CHRNA7: variants seen among roughly 807,000 people sequenced by gnomAD.
The protein encoded by CHRNA7 is cholinergic receptor nicotinic alpha 7 subunit.
In CHRNA7, 17 loss-of-function variants were observed where a neutral mutation model predicts 48.0. That is an observed-to-expected ratio of 0.35 (90% CI 0.24 to 0.53). The LOEUF (loss-of-function observed/expected upper bound fraction) is 0.53, where lower values mean the gene tolerates loss of function less well. Ranked by LOEUF, CHRNA7 falls within the 20% of genes least tolerant of loss-of-function variation. The pLI is 0.92. For missense variants in CHRNA7, 155 were observed against 577.7 expected (o/e 0.27, Z 7.50); for synonymous variants, 75 against 242.3 (o/e 0.31, Z 6.41).
rs960001027 is a variant in CHRNA7 at position 32,066,438 on chromosome 15, C to T, written c.196-34865C>T. 1.8e-4 allele frequency among the ~76,000 whole-genome samples: 28 copies of T among 152,152 alleles called. No homozygotes were observed. The South Asian group carries it at 4.2e-3, about 23-fold the overall frequency. On this transcript the variant is annotated intron_variant, in intron 2 of 9. Coordinates refer to ENST00000306901, the MANE Select transcript of CHRNA7 (RefSeq NM_000746.6). ...CTGGGATTACAGGCATGTGCCACCA[C>T]GCCCAGCTAATTTTTGTATTTTTAG...
At chr15:32,145,299 A>G (rs1353072849) in intron 4 of CHRNA7, among the ~76,000 whole-genome samples, 2 of 152,172 alleles carry the variant, frequency 1.3e-5, no homozygotes, top group Admixed American at 1.3e-4. Flanking sequence ...GCTTTGTCCC[A>G]GAGGAGCACC....
chr15:32,141,190 A>G (rs927404402), intron 4 of CHRNA7, among the ~76,000 whole-genome samples: 2 of 152,110 alleles, frequency 1.3e-5, no homozygotes, highest in African/African-American at 4.8e-5. Flanking sequence ...TCCTTTCCCC[A>G]TTTCTTGTTT....
chr15:32,112,398 A>G, intron 4 of CHRNA7: 1 of 456,744 alleles, frequency 2.2e-6, no homozygotes, highest in Non-Finnish European at 4.4e-6. Flanking sequence ...AGCTGCATGC[A>G]GAAACTTCCC....
At chr15:32,051,595 C>T (rs992483607) in intron 2 of CHRNA7, among the ~76,000 whole-genome samples, 11 of 152,032 alleles carry the variant, frequency 7.2e-5, no homozygotes, top group South Asian at 2.1e-4. Context: ...TGACCCCTTG[C>T]ACTTCCCGAG....
chr15:32,059,051 T>C (rs2049833889), intron 2 of CHRNA7, among the ~76,000 whole-genome samples: 1 of 152,010 alleles, frequency 6.6e-6, no homozygotes. Context: ...TTGCCCAGGC[T>C]GGAGTGCAGT....
intron 4 of CHRNA7, among the ~76,000 whole-genome samples, chr15:32,134,666 C>T (rs2051216129): frequency 6.6e-6 from 1 of 152,156 alleles, no homozygotes; most frequent in Non-Finnish European, 1.5e-5. Context: ...TAGCAAAAGG[C>T]AGGTTTGGAC....
At chr15:32,122,116 C>T (rs542855597) in intron 4 of CHRNA7, among the ~76,000 whole-genome samples, 2 of 152,302 alleles carry the variant, frequency 1.3e-5, no homozygotes, top group South Asian at 2.1e-4. Context: ...GTTCTATTCA[C>T]ATTTTGTAAT....
chr15:32,127,418 C>T (rs921112155), intron 4 of CHRNA7, among the ~76,000 whole-genome samples: 3 of 152,128 alleles, frequency 2.0e-5, no homozygotes, highest in African/African-American at 7.2e-5. Flanking sequence ...TGGCCGTTCC[C>T]ACCTAAGTGA....
intron 4 of CHRNA7, among the ~76,000 whole-genome samples, chr15:32,130,672 A>T (rs1035180169): frequency 6.6e-6 from 1 of 151,514 alleles, no homozygotes; most frequent in African/African-American, 2.4e-5. Flanking sequence ...CTCTTTGTAC[A>T]CCTATTTCAT....
At chr15:32,108,941 A>G (rs2141274963) in intron 3 of CHRNA7, among the ~76,000 whole-genome samples, 1 of 152,284 alleles carries the variant, frequency 6.6e-6, no homozygotes, top group South Asian at 2.1e-4. Context: ...GTGCAAACCC[A>G]GGTCTGTCTG....
At chr15:32,045,728 T>C (rs188626430) in intron 2 of CHRNA7, among the ~76,000 whole-genome samples, 183 of 151,882 alleles carry the variant, frequency 1.2e-3, no homozygotes, top group Non-Finnish European at 1.9e-3. Context: ...GCAGGTTTGT[T>C]ACATATGTAT....
intron 2 of CHRNA7, among the ~76,000 whole-genome samples, chr15:32,049,404 C>A (rs1305819935): frequency 6.6e-6 from 1 of 152,028 alleles, no homozygotes; most frequent in Non-Finnish European, 1.5e-5. Flanking sequence ...TATGTAATGG[C>A]CTTCTTTGTC....
At chr15:32,151,499 A>G (rs923307272) in intron 4 of CHRNA7, among the ~76,000 whole-genome samples, 12 of 151,874 alleles carry the variant, frequency 7.9e-5, no homozygotes, top group Non-Finnish European at 1.6e-4. Context: ...TGCTGTGAGA[A>G]GTGTCTTCGT....
chr15:32,142,838 T>C (rs1252152909), intron 4 of CHRNA7, among the ~76,000 whole-genome samples: 2 of 152,198 alleles, frequency 1.3e-5, no homozygotes, highest in East Asian at 3.8e-4. Flanking sequence ...GCTAGCGGTC[T>C]GTCTATTTTG....
At chr15:32,104,679 A>G (rs1363934784) in intron 3 of CHRNA7, among the ~76,000 whole-genome samples, 2 of 152,170 alleles carry the variant, frequency 1.3e-5, no homozygotes, top group African/African-American at 4.8e-5. Flanking sequence ...GAATGAGAGA[A>G]TGAAGCAAAA....
At chr15:32,047,552 C>A (rs918628924) in intron 2 of CHRNA7, among the ~76,000 whole-genome samples, 12 of 152,300 alleles carry the variant, frequency 7.9e-5, no homozygotes, top group Middle Eastern at 3.4e-3. Flanking sequence ...AGTTGCTTAT[C>A]AGCTTCAGGA....
intron 4 of CHRNA7, among the ~76,000 whole-genome samples, chr15:32,118,661 A>G (rs1001236773): frequency 1.3e-5 from 2 of 152,276 alleles, no homozygotes; most frequent in South Asian, 2.1e-4. Context: ...CACTCAACCA[A>G]TATTTAGTGA....
At chr15:32,052,112 A>C (rs1480052875) in intron 2 of CHRNA7, among the ~76,000 whole-genome samples, 2 of 152,148 alleles carry the variant, frequency 1.3e-5, no homozygotes, top group East Asian at 3.9e-4. Flanking sequence ...AAATCTTGGT[A>C]TTCTCTCAGG....
rs148481702 is a variant in CHRNA7 at position 32,092,822 on chromosome 15, G to A, written c.196-8481G>A. ...TGGCCTTTGGAACCCACTTTGCACC[G>A]GTTCCATACCAAGGGCTCTGTTGGG... On this transcript the variant is annotated intron_variant, in intron 2 of 9. Coordinates refer to ENST00000306901, the MANE Select transcript of CHRNA7 (RefSeq NM_000746.6). 2.5e-3 allele frequency among the ~76,000 whole-genome samples: 385 copies of A among 152,230 alleles called. 4 individuals carry two copies. The highest frequency in any genetic ancestry group is 0.015 in the South Asian group (70 of 4,822).
Sources: gnomAD v4.1 joint callset for allele counts (sites outside exome capture counted in the v4.1 genomes callset) on GRCh38, gnomAD v4.1.1 for gene constraint, MANE v1.5 for transcripts, NCBI Gene and HGNC (gene_info 2026-07-23, HGNC 2026-07-21) for gene names.